Variants in OR10H3 observed in about 807,000 individuals in gnomAD.
The protein encoded by OR10H3 is olfactory receptor family 10 subfamily H member 3, also known as olfactory receptor 10H3.
In OR10H3, 15 loss-of-function variants were observed where a neutral mutation model predicts 11.1. The ratio of observed to expected loss-of-function variants is 1.36; its 90% CI spans 0.91 to 2.09. The LOEUF (loss-of-function observed/expected upper bound fraction) is 2.09, where lower values mean the gene tolerates loss of function less well. Among genes scored for constraint, OR10H3 ranks in the 30% most tolerant of loss-of-function variants. The pLI is 0.00. For missense variants in OR10H3, 403 were observed against 391.5 expected, an observed-to-expected ratio of 1.03 and a Z score of -0.25; for synonymous variants, 149 against 142.1, an observed-to-expected ratio of 1.05 and a Z score of -0.35.
rs764106889 is a variant in OR10H3 at position 15,741,593 on chromosome 19, C to T, written c.201C>T (p.Leu67=). 23 of 1,614,110 alleles carry T rather than the reference C, an allele frequency of 1.4e-5. No homozygotes were observed. In the African/African-American group the frequency reaches 2.5e-4, roughly 18 times the overall value. ...HTPMYLFLCA[L]SISEILFTVA... ...CCATGTACCTCTTCTTGTGTGCCCTCTCCATCTCTGAGATTCTGTTCACTG... is the reference window on the plus strand; with the variant it reads ...CCATGTACCTCTTCTTGTGTGCCCTTTCCATCTCTGAGATTCTGTTCACTG... Residue 67 remains leucine, a synonymous_variant, in exon 2 of 2, where the codon CTC becomes CTT. Coordinates refer to ENST00000641646, the MANE Select transcript of OR10H3 (RefSeq NM_013938.2).
chr19:15,740,237 A>G (rs1055666154), intron 1 of OR10H3, among the ~76,000 whole-genome samples: 1 of 152,170 alleles, frequency 6.6e-6, no homozygotes, highest in African/African-American at 2.4e-5. Context: ...ACTGTAACCT[A>G]GGGGGCAGAG....
chr19:15,740,701 A>G lies in OR10H3; in HGVS notation c.-11-681A>G, dbSNP rs188705556. The stretch of plus-strand genomic sequence containing the variant: ...GCTTTCTTCCATGTCCAGACCACAG[A>G]TCAGCCATGTGTTAAGGAACTCTAC... On this transcript the variant is annotated intron_variant, in intron 1 of 1. Coordinates refer to ENST00000641646, the MANE Select transcript of OR10H3 (RefSeq NM_013938.2). Among the ~76,000 whole-genome samples the G allele has an allele frequency of 5.4e-3, 817 of 152,328 alleles. 13 individuals carry two copies. The highest frequency in any genetic ancestry group is 0.019 in the African/African-American group (779 of 41,560).
chr19:15,741,332 GA>G (rs1397256327), intron 1 of OR10H3, 49 bp from the exon 2 acceptor site: 20 of 1,215,432 alleles, frequency 1.6e-5, no homozygotes, highest in Middle Eastern at 4.1e-4. Flanking sequence ...GTCTGTGCTA[GA>G]GTCTAAGTTT....
rs1246574074 is a variant in OR10H3 at position 15,741,469 on chromosome 19, C to T, written c.77C>T (p.Pro26Leu). 6.2e-6 allele frequency: 10 copies of T among 1,614,222 alleles called. No homozygotes were observed. Among genetic ancestry groups the T allele is most frequent in the African/African-American group, 4.0e-5 (3 of 75,064 alleles). ...TCAGCCTTCCCCCAGCAGCTCCTGC[C>T]TGTCTTGTTCCTGCTGTACCTCCTG... ...GFSAFPQQLL[P>L]VLFLLYLLMF... Residue 26 changes from proline to leucine, a missense_variant, in exon 2 of 2, where the codon CCT (proline) becomes CTT (leucine). Coordinates refer to ENST00000641646, the MANE Select transcript of OR10H3 (RefSeq NM_013938.2).
intron 1 of OR10H3, among the ~76,000 whole-genome samples, chr19:15,740,387 A>G (rs759610082): frequency 6.6e-6 from 1 of 152,220 alleles, no homozygotes; most frequent in Non-Finnish European, 1.5e-5. Context: ...GTAGATCAAG[A>G]TTCAACTAGT....
Position 15,742,105 on chromosome 19 carries a change from A to G in OR10H3, c.713A>G (p.Lys238Arg). ...LRIPSAEGRHKTFSTCVSHLT... is the reference protein window; with the variant it reads ...LRIPSAEGRHRTFSTCVSHLT... ...ATTCCTTCTGCTGAGGGCCGGCACA[A>G]GACTTTCTCCACTTGTGTATCCCAC... Residue 238 changes from lysine to arginine, a missense_variant, in exon 2 of 2, where the codon AAG (lysine) becomes AGG (arginine). Transcript: ENST00000641646. 1.9e-6 allele frequency: 3 copies of G among 1,614,120 alleles called. No homozygotes were observed. The highest frequency in any genetic ancestry group is 3.3e-4 in the Middle Eastern group (2 of 6,062).
chr19:15,738,538 C>G (rs1009760028), intron 1 of OR10H3, among the ~76,000 whole-genome samples: 4 of 150,804 alleles, frequency 2.7e-5, no homozygotes, highest in African/African-American at 9.7e-5. Context: ...GATTTCCTAA[C>G]TCTTTTCTAT....
In OR10H3 at chr19:15,741,694, A is replaced by T. The variant is rs777136290; in HGVS notation, c.302A>T (p.Gln101Leu). 1 of 1,613,960 alleles carries T rather than the reference A, an allele frequency of 6.2e-7. No individual in the cohort carries two copies. Among genetic ancestry groups the T allele is most frequent in the Non-Finnish European group, 8.5e-7 (1 of 1,179,998 alleles). The change falls in exon 2 of 2, where the codon CAG becomes CTG. Residue 101 changes from glutamine (Q) to leucine (L), a missense_variant. Coordinates refer to ENST00000641646, the MANE Select transcript of OR10H3 (RefSeq NM_013938.2). Reference protein sequence around the residue: ...RSITFVACAIQMFFSFMFGFT... With the variant: ...RSITFVACAILMFFSFMFGFT... Reference sequence around the variant, plus strand: ...ATCACCTTTGTGGCTTGTGCCATTCAGATGTTCTTCTCCTTCATGTTTGGC... The same window carrying T: ...ATCACCTTTGTGGCTTGTGCCATTCTGATGTTCTTCTCCTTCATGTTTGGC...
chr19:15,742,272 C>G lies in OR10H3; in HGVS notation c.880C>G (p.Leu294Val), dbSNP rs771077410. 6.2e-7 allele frequency: 1 copy of G among 1,614,094 alleles called. No individual in the cohort carries two copies. Among genetic ancestry groups the G allele is most frequent in the Non-Finnish European group, 8.5e-7 (1 of 1,180,020 alleles). ...CTTCCTCAGCCCAATCATTTTCAGT[C>G]TAAGGAACAAGGAGCTGAAGAATGC... ...TPFLSPIIFS[L>V]RNKELKNAIN... The change falls in exon 2 of 2, where the codon CTA (leucine) becomes GTA (valine). Residue 294 changes from leucine to valine, a missense_variant. Physicochemically the swap from Leu to Val is conservative, Grantham distance 32. Coordinates refer to ENST00000641646, the MANE Select transcript of OR10H3 (RefSeq NM_013938.2).
chr19:15,739,045 T>C (rs925891672), intron 1 of OR10H3, among the ~76,000 whole-genome samples: 2 of 152,150 alleles, frequency 1.3e-5, no homozygotes, highest in African/African-American at 4.8e-5. Context: ...AAATTATCAT[T>C]TAATTCTAAA....
rs115417063 is a variant in OR10H3 at position 15,741,584 on chromosome 19, G to T, written c.192G>T (p.Leu64Phe). 1.2e-6 allele frequency: 2 copies of T among 1,614,082 alleles called. No individual in the cohort carries two copies. The highest frequency in any genetic ancestry group is 4.5e-5 in the East Asian group (2 of 44,880). Residue 64 changes from leucine (L) to phenylalanine (F), a missense_variant, in exon 2 of 2, where the codon TTG becomes TTT. Leu to Phe is a conservative substitution (Grantham distance 22). Transcript: ENST00000641646. ...RRLHTPMYLFLCALSISEILF... is the reference protein window; with the variant it reads ...RRLHTPMYLFFCALSISEILF... Reference sequence around the variant, plus strand: ...TCCACACACCCATGTACCTCTTCTTGTGTGCCCTCTCCATCTCTGAGATTC... The same window carrying T: ...TCCACACACCCATGTACCTCTTCTTTTGTGCCCTCTCCATCTCTGAGATTC...
At position 15,742,236 on chromosome 19, in the gene OR10H3, G is replaced by A; in HGVS notation, c.844G>A (p.Val282Ile). ...TGCCTTGATGGCCACCACCTATACT[G>A]TCTTCACCCCCTTCCTCAGCCCAAT... ...SDALMATTYTVFTPFLSPIIF... is the reference protein window; with the variant it reads ...SDALMATTYTIFTPFLSPIIF... The change falls in exon 2 of 2, where the codon GTC becomes ATC. Residue 282 changes from valine to isoleucine, a missense_variant. Val to Ile is a conservative substitution (Grantham distance 29, BLOSUM62 3). Coordinates refer to ENST00000641646, the MANE Select transcript of OR10H3 (RefSeq NM_013938.2). 2 of 1,614,012 alleles carry A rather than the reference G, an allele frequency of 1.2e-6. No homozygotes were observed. The highest frequency in any genetic ancestry group is 1.7e-6 in the Non-Finnish European group (2 of 1,180,030).
At chr19:15,738,205 A>G (rs2008661412) in intron 1 of OR10H3, among the ~76,000 whole-genome samples, 154 bp downstream of exon 1, 1 of 152,126 alleles carries the variant, frequency 6.6e-6, no homozygotes, top group Non-Finnish European at 1.5e-5. Flanking sequence ...TTAAATCATA[A>G]TAGGAGTAGG....
intron 1 of OR10H3, among the ~76,000 whole-genome samples, chr19:15,739,983 G>A (rs1391733266): frequency 6.6e-6 from 1 of 151,862 alleles, no homozygotes; most frequent in Non-Finnish European, 1.5e-5. Context: ...AGCTGAGCAT[G>A]GTGGCTCATG....
At chr19:15,741,112 A>T (rs2008691833) in intron 1 of OR10H3, among the ~76,000 whole-genome samples, 1 of 152,152 alleles carries the variant, frequency 6.6e-6, no homozygotes, top group Non-Finnish European at 1.5e-5. Context: ...AAGTATTGAA[A>T]CTTTTCTTTA....
chr19:15,738,616 C>T (rs755604817), intron 1 of OR10H3, among the ~76,000 whole-genome samples: 7 of 151,140 alleles, frequency 4.6e-5, no homozygotes, highest in South Asian at 2.1e-4. Flanking sequence ...TAGTACTTAC[C>T]GCACTTTAAT....
intron 1 of OR10H3, among the ~76,000 whole-genome samples, chr19:15,738,312 TAACC>T (rs1246902259): frequency 1.3e-5 from 2 of 152,224 alleles, no homozygotes; most frequent in Admixed American, 6.5e-5. Context: ...TTTCTGATGT[TAACC>T]AATCTTGTCA....
rs1483003569 is a variant in OR10H3, at chr19:15,742,245, C to T, written c.853C>T (p.Pro285Ser). Residue 285 changes from proline (P) to serine (S), a missense_variant, in exon 2 of 2, where the codon CCC (proline) becomes TCC (serine). Transcript: ENST00000641646. Reference protein sequence around the residue: ...LMATTYTVFTPFLSPIIFSLR... With the variant: ...LMATTYTVFTSFLSPIIFSLR... ...GGCCACCACCTATACTGTCTTCACC[C>T]CCTTCCTCAGCCCAATCATTTTCAG... The T allele has an allele frequency of 1.9e-6, 3 of 1,613,930 alleles. No homozygotes were observed. The highest frequency in any genetic ancestry group is 1.7e-6 in the Non-Finnish European group (2 of 1,180,034).
At position 15,739,995 on chromosome 19, in the gene OR10H3, G is replaced by C. The variant is rs150845533; in HGVS notation, c.-11-1387G>C. 1.9e-3 allele frequency among the ~76,000 whole-genome samples: 289 copies of C among 149,828 alleles called. 1 individual carries two copies. The highest frequency in any genetic ancestry group is 6.9e-3 in the African/African-American group (282 of 40,646). On this transcript the variant is annotated intron_variant, in intron 1 of 1. Coordinates refer to ENST00000641646, the MANE Select transcript of OR10H3 (RefSeq NM_013938.2). ...ATTAGCTGAGCATGGTGGCTCATGT[G>C]TATAATCCCACCACTTTGGGAGGCT... is the stretch of plus-strand genomic sequence containing the variant.
Sources: allele counts gnomAD v4.1 joint callset (sites outside exome capture counted in the v4.1 genomes callset), GRCh38; gene constraint gnomAD v4.1.1; transcripts MANE v1.5; gene names NCBI Gene and HGNC (gene_info 2026-07-23, HGNC 2026-07-21).